The following DACH2 variants were observed in gnomAD, a reference collection of about 807,000 sequenced individuals.
DACH2 encodes the protein dachshund homolog 2.
DACH2 carries 17 observed loss-of-function variants against 35.8 expected under a neutral mutation model. The observed-to-expected ratio is 0.48, with a 90% CI of 0.33 to 0.71. The LOEUF (loss-of-function observed/expected upper bound fraction) is 0.71, where lower values mean the gene tolerates loss of function less well. Among genes scored for constraint, DACH2 ranks in the 30% least tolerant of loss-of-function variants. The pLI is 0.02. For missense variants in DACH2, 469 were observed against 472.7 expected (o/e 0.99, Z 0.07); for synonymous variants, 195 against 177.3 (o/e 1.10, Z -0.79).
At chrX:86,295,002 G>A (rs1354494968) in intron 1 of DACH2, among the ~76,000 whole-genome samples, 1 of 112,437 alleles carries the variant, frequency 8.9e-6, no homozygotes, top group Non-Finnish European at 1.9e-5. Flanking sequence ...GGGCAATGGC[G>A]GGCGCCCCTC....
chrX:86,408,755 C>A (rs1168172492), intron 2 of DACH2, among the ~76,000 whole-genome samples: 5 of 111,451 alleles, frequency 4.5e-5, no homozygotes, highest in Non-Finnish European at 9.4e-5. Context: ...ACACAGGACA[C>A]CCCTTGAGTC....
rs189895924 is a variant in DACH2 at position 86,544,640 on chromosome X, T to C, written c.640+30249T>C. 2.1e-3 allele frequency among the ~76,000 whole-genome samples: 235 copies of C among 111,224 alleles called. 2 individuals are homozygous for C. The highest frequency in any genetic ancestry group is 0.015 in the Admixed American group (152 of 10,400). ...ACAGGCCTTACAAGAGGTCCTGAAG[T>C]GAGTGCTAAACATGGAAAGGAAAAA... On this transcript the variant is annotated intron_variant, in intron 3 of 11. Transcript: ENST00000373125.
At chrX:86,535,771 G>A (rs1039628944) in intron 3 of DACH2, among the ~76,000 whole-genome samples, 2 of 110,751 alleles carry the variant, frequency 1.8e-5, no homozygotes, top group Non-Finnish European at 3.8e-5. Flanking sequence ...CAGCCTGGAA[G>A]GGGTCCCGAG....
At position 86,216,123 on chromosome X, in the gene DACH2, T is replaced by C. The variant is rs947444755; in HGVS notation, c.488+67015T>C. 2.8e-4 allele frequency among the ~76,000 whole-genome samples: 31 copies of C among 112,371 alleles called. No homozygotes were observed. The Admixed American group carries it at 2.8e-3, about 10-fold the overall frequency. ...AATACATTATTGATCTCAAATTTGA[T>C]ACAATATTTAATTGAGTATGTATGG... On this transcript the variant is annotated intron_variant, in intron 1 of 11. Coordinates refer to ENST00000373125, the MANE Select transcript of DACH2 (RefSeq NM_053281.3).
rs930288420 is a variant in DACH2 at position 86,530,877 on chromosome X, C to T, written c.640+16486C>T. On this transcript the variant is annotated intron_variant, in intron 3 of 11. Transcript: ENST00000373125. The stretch of plus-strand genomic sequence containing the variant: ...ACCAAATTGCTGATAGTGATAAGGA[C>T]AATGAAGTCCAGGCTGAGGTGGTCT... Among the ~76,000 whole-genome samples, 4 of 111,512 alleles carry T rather than the reference C, an allele frequency of 3.6e-5. No homozygotes were observed. In the Admixed American group the frequency reaches 3.8e-4, roughly 11 times the overall value.
chrX:86,565,844 A>G lies in DACH2; in HGVS notation c.640+51453A>G, dbSNP rs1032709211. Among the ~76,000 whole-genome samples the G allele has an allele frequency of 1.8e-5, 2 of 111,644 alleles. 1 individual carries two copies. The highest frequency in any genetic ancestry group is 8.3e-3 in the Middle Eastern group (2 of 240). On this transcript the variant is annotated intron_variant, in intron 3 of 11. Transcript: ENST00000373125. ...ATATTTCAAGTCCTTCTGTACAAAA[A>G]AGAAAAATCACACAGAAATATGTTT...
At chrX:86,296,877 G>A (rs1438229742) in intron 1 of DACH2, among the ~76,000 whole-genome samples, 1 of 109,786 alleles carries the variant, frequency 9.1e-6, no homozygotes, top group Non-Finnish European at 1.9e-5. Context: ...ACACATGACT[G>A]GTAGTATCTT....
intron 2 of DACH2, among the ~76,000 whole-genome samples, chrX:86,484,502 T>G (rs1018790918): frequency 1.8e-5 from 2 of 112,170 alleles, no homozygotes; most frequent in African/African-American, 6.5e-5. Flanking sequence ...GAATGACAGC[T>G]TAATTTATGT....
chrX:86,657,466 C>A (rs924777798), intron 4 of DACH2, among the ~76,000 whole-genome samples: 1 of 111,460 alleles, frequency 9.0e-6, no homozygotes, highest in Non-Finnish European at 1.9e-5. Flanking sequence ...TAAGTGTAAA[C>A]TCAATGATTT....
intron 1 of DACH2, among the ~76,000 whole-genome samples, chrX:86,226,014 G>C (rs778872475): frequency 9.0e-6 from 1 of 111,015 alleles, no homozygotes; most frequent in East Asian, 2.8e-4. Context: ...GAAAAAAGGA[G>C]GAAGCACAAT....
At chrX:86,595,018 T>G (rs2039694912) in intron 3 of DACH2, among the ~76,000 whole-genome samples, 1 of 111,954 alleles carries the variant, frequency 8.9e-6, no homozygotes, top group African/African-American at 3.2e-5. Flanking sequence ...CCTTTATCAT[T>G]TTTTAATTCC....
intron 3 of DACH2, among the ~76,000 whole-genome samples, chrX:86,633,010 T>C (rs1602721090): frequency 9.2e-6 from 1 of 108,143 alleles, no homozygotes; most frequent in Non-Finnish European, 1.9e-5. Flanking sequence ...TAACCAAATG[T>C]TGCACCTCAA....
At chrX:86,431,744 A>T (rs1176510385) in intron 2 of DACH2, among the ~76,000 whole-genome samples, 1 of 111,661 alleles carries the variant, frequency 9.0e-6, no homozygotes, top group Non-Finnish European at 1.9e-5. Flanking sequence ...GAATAATTAG[A>T]TTACTTGCTT....
chrX:86,542,657 G>T (rs1002847368), intron 3 of DACH2, among the ~76,000 whole-genome samples: 2 of 111,674 alleles, frequency 1.8e-5, no homozygotes, highest in African/African-American at 3.3e-5. Flanking sequence ...AACACAAAAA[G>T]ATTAAGACAC....
In DACH2 at chrX:86,655,682, C is replaced by CA. The variant is rs201615495; in HGVS notation, c.772+4523dup. On this transcript the variant is annotated intron_variant, in intron 4 of 11. Coordinates refer to ENST00000373125, the MANE Select transcript of DACH2 (RefSeq NM_053281.3). ...ATGTTGGTAGTCTGAGGAGAGAAGA[C>CA]AAAAAAAATCACTGTATTTCAAATG... 4.9e-3 allele frequency among the ~76,000 whole-genome samples: 529 copies of CA among 109,038 alleles called. 1 individual carries two copies. The highest frequency in any genetic ancestry group is 0.024 in the Middle Eastern group (5 of 208). The allele number at this position is 109,038 out of a possible 115,157, so 94.7% of individuals were successfully genotyped here.
intron 1 of DACH2, among the ~76,000 whole-genome samples, chrX:86,159,845 C>T (rs2030683733): frequency 9.0e-6 from 1 of 111,225 alleles, no homozygotes; most frequent in Admixed American, 9.6e-5. Flanking sequence ...TTTGGCTTTG[C>T]AGTGCATTAT....
intron 2 of DACH2, among the ~76,000 whole-genome samples, chrX:86,450,882 C>A (rs2037364809): frequency 9.0e-6 from 1 of 111,251 alleles, no homozygotes; most frequent in Non-Finnish European, 1.9e-5. Flanking sequence ...TGATAAGTGT[C>A]TTTTCATGTC....
intron 3 of DACH2, among the ~76,000 whole-genome samples, chrX:86,648,791 A>G (rs1191109553): frequency 9.0e-6 from 1 of 111,147 alleles, no homozygotes; most frequent in South Asian, 3.7e-4. Flanking sequence ...TAAAAATAAA[A>G]TAAAAAATCA....
intron 2 of DACH2, among the ~76,000 whole-genome samples, chrX:86,451,020 G>T (rs1162960483): frequency 9.0e-6 from 1 of 111,379 alleles, no homozygotes; most frequent in African/African-American, 3.3e-5. Context: ...TCTGTAGATT[G>T]TCTGTTCACT....
Sources: gnomAD v4.1 joint callset for allele counts (sites outside exome capture counted in the v4.1 genomes callset) on GRCh38, gnomAD v4.1.1 for gene constraint, MANE v1.5 for transcripts, NCBI Gene and HGNC (gene_info 2026-07-23, HGNC 2026-07-21) for gene names.